The following ERBB4 variants were observed in gnomAD, a reference collection of about 807,000 sequenced individuals.
ERBB4 encodes receptor tyrosine-protein kinase erbB-4.
In ERBB4, 42 loss-of-function variants were observed where a neutral mutation model predicts 158.0. The observed-to-expected ratio is 0.27, with a 90% CI of 0.21 to 0.34. The LOEUF is 0.34. Ranked by LOEUF, ERBB4 falls within the 10% of genes least tolerant of loss-of-function variation. The pLI is 1.00. For synonymous variants in ERBB4, 583 were observed against 558.7 expected (o/e 1.04, Z -0.61); for missense variants, 1,333 against 1,624.1 (o/e 0.82, Z 3.08).
At chr2:211,523,624 G>A (rs184081947) in intron 20 of ERBB4, among the ~76,000 whole-genome samples, 83 of 151,992 alleles carry the variant, frequency 5.5e-4, no homozygotes, top group Admixed American at 5.4e-3. Flanking sequence ...CGCGTCTGGA[G>A]TTGTTCGTTC....
chr2:211,925,169 C>T (rs2079982310), intron 3 of ERBB4, among the ~76,000 whole-genome samples: 1 of 152,114 alleles, frequency 6.6e-6, no homozygotes, highest in South Asian at 2.1e-4. Context: ...CTAGTAACAG[C>T]CATCCACTTA....
chr2:212,167,929 G>C (rs2081397216), intron 1 of ERBB4, among the ~76,000 whole-genome samples: 1 of 152,062 alleles, frequency 6.6e-6, no homozygotes, highest in African/African-American at 2.4e-5. Flanking sequence ...ACACACACCA[G>C]GGCCTGTTGG....
At chr2:212,507,710 T>C (rs1691271150) in intron 1 of ERBB4, among the ~76,000 whole-genome samples, 1 of 152,200 alleles carries the variant, frequency 6.6e-6, no homozygotes, top group African/African-American at 2.4e-5. Context: ...AATGAACAGA[T>C]GAGGAATTGC....
intron 3 of ERBB4, among the ~76,000 whole-genome samples, chr2:211,850,273 T>C (rs1446788564): frequency 6.6e-6 from 1 of 151,910 alleles, no homozygotes; most frequent in Admixed American, 6.6e-5. Flanking sequence ...GTCTTTGAGT[T>C]CTTCCACTTT....
chr2:211,567,206 A>G (rs758896399), intron 19 of ERBB4, among the ~76,000 whole-genome samples: 3 of 152,162 alleles, frequency 2.0e-5, no homozygotes, highest in Non-Finnish European at 2.9e-5. Flanking sequence ...ATCAGTAAAC[A>G]CTCAGGATTT....
At chr2:211,966,999 G>A (rs937209714) in intron 2 of ERBB4, among the ~76,000 whole-genome samples, 2 of 151,926 alleles carry the variant, frequency 1.3e-5, no homozygotes, top group East Asian at 3.9e-4. Flanking sequence ...TATATAATGT[G>A]GTAATTATTA....
At chr2:211,897,734 GTTTT>G (rs929920700) in intron 3 of ERBB4, among the ~76,000 whole-genome samples, 1 of 151,748 alleles carries the variant, frequency 6.6e-6, no homozygotes, top group African/African-American at 2.4e-5. Flanking sequence ...TTAATTAATT[GTTTT>G]GTTTTGTTTT....
intron 16 of ERBB4, among the ~76,000 whole-genome samples, chr2:211,641,174 A>C (rs2125893975): frequency 6.6e-6 from 1 of 152,192 alleles, no homozygotes; most frequent in Non-Finnish European, 1.5e-5. Context: ...ATTCCCTTTA[A>C]GTTTTTCTAG....
intron 4 of ERBB4, among the ~76,000 whole-genome samples, chr2:211,773,111 G>T (rs1025098303): frequency 8.6e-5 from 13 of 150,574 alleles, no homozygotes. Flanking sequence ...TGCTTTGAAG[G>T]GATCAGGCAC....
At chr2:211,525,368 G>A (rs2066318407) in intron 20 of ERBB4, among the ~76,000 whole-genome samples, 1 of 152,068 alleles carries the variant, frequency 6.6e-6, no homozygotes, top group Admixed American at 6.5e-5. Context: ...AGTAGGATAG[G>A]GCAGTGTTCT....
intron 20 of ERBB4, among the ~76,000 whole-genome samples, chr2:211,515,912 A>ATTTTTTTTTTTT (rs1553555083): frequency 1.3e-5 from 1 of 78,982 alleles, no homozygotes; most frequent in Non-Finnish European, 2.4e-5. Flanking sequence ...ATATATATAT[A>ATTTTTTTTTTTT]TTTTTTTTTT....
At chr2:211,840,402 C>A (rs62184493) in intron 3 of ERBB4, among the ~76,000 whole-genome samples, 2 of 151,928 alleles carry the variant, frequency 1.3e-5, no homozygotes, top group African/African-American at 2.4e-5. Flanking sequence ...TTATTAGCAG[C>A]GTGAGAACAG....
intron 2 of ERBB4, among the ~76,000 whole-genome samples, chr2:211,974,462 G>T (rs114044363): frequency 1.8e-3 from 272 of 152,236 alleles, no homozygotes; most frequent in Middle Eastern, 3.4e-3. Context: ...CTCAGTTGTG[G>T]TTCAAATTGT....
At chr2:211,419,938 T>C (rs1290081918) in intron 25 of ERBB4, among the ~76,000 whole-genome samples, 1 of 152,062 alleles carries the variant, frequency 6.6e-6, no homozygotes, top group Non-Finnish European at 1.5e-5. Flanking sequence ...GCCTTTTCGA[T>C]GTGATTAGGT....
At chr2:212,049,177 T>C (rs184112412) in intron 2 of ERBB4, among the ~76,000 whole-genome samples, 7 of 152,340 alleles carry the variant, frequency 4.6e-5, no homozygotes, top group African/African-American at 1.4e-4. Context: ...TCTTTCCTTG[T>C]TTACATTCTT....
chr2:211,711,250 A>T (rs1292884699), intron 9 of ERBB4, among the ~76,000 whole-genome samples: 1 of 152,152 alleles, frequency 6.6e-6, no homozygotes, highest in Admixed American at 6.5e-5. Context: ...AATATGTCAA[A>T]TTAGTTTGCT....
At chr2:212,073,370 A>G (rs1251752538) in intron 2 of ERBB4, among the ~76,000 whole-genome samples, 3 of 152,022 alleles carry the variant, frequency 2.0e-5, no homozygotes, top group Admixed American at 1.3e-4. Context: ...ATGGAGGCAG[A>G]AAGTGAAGTT....
At chr2:211,508,369 G>T (rs1165310488) in intron 20 of ERBB4, among the ~76,000 whole-genome samples, 1 of 152,048 alleles carries the variant, frequency 6.6e-6, no homozygotes, top group Non-Finnish European at 1.5e-5. Context: ...ACAAACATAT[G>T]AAAAAAAGAT....
At chr2:212,002,139 A>G (rs530211590) in intron 2 of ERBB4, among the ~76,000 whole-genome samples, 6 of 152,306 alleles carry the variant, frequency 3.9e-5, no homozygotes, top group African/African-American at 1.4e-4. Context: ...AGCTCCCATT[A>G]TATGACCAAA....
Sources: gnomAD v4.1 joint callset for allele counts (sites outside exome capture counted in the v4.1 genomes callset) on GRCh38, gnomAD v4.1.1 for gene constraint, MANE v1.5 for transcripts, NCBI Gene and HGNC (gene_info 2026-07-23, HGNC 2026-07-21) for gene names.